The following PTPRM variants were observed in gnomAD, a reference collection of about 807,000 sequenced individuals.
PTPRM encodes protein tyrosine phosphatase receptor type M.
In PTPRM, 47 loss-of-function variants were observed where a neutral mutation model predicts 186.7. The ratio of observed to expected loss-of-function variants is 0.25; its 90% CI spans 0.20 to 0.32. The LOEUF (loss-of-function observed/expected upper bound fraction) is 0.32. Among genes scored for constraint, PTPRM ranks in the 10% least tolerant of loss-of-function variants. The probability of loss-of-function intolerance (pLI) is 1.00; values close to 1 mark genes in which losing one functional copy is unlikely to be tolerated. For synonymous variants in PTPRM, 668 were observed against 674.9 expected, an observed-to-expected ratio of 0.99 and a Z score of 0.16; for missense variants, 1,494 against 1,865.0, an observed-to-expected ratio of 0.80 and a Z score of 3.66.
chr18:8,100,051 G>A lies in PTPRM; in HGVS notation c.1856+11200G>A, dbSNP rs144698682. Among the ~76,000 whole-genome samples the A allele has an allele frequency of 3.7e-3, 568 of 152,260 alleles. 1 individual carries two copies. Among genetic ancestry groups the A allele is most frequent in the African/African-American group, 0.013 (520 of 41,550 alleles). The stretch of plus-strand genomic sequence containing the variant: ...CCAATATTCCACTTAAGACCATGGC[G>A]GAAGACAAAGAGGAAGAAGGCATGT... On this transcript the variant is annotated intron_variant, in intron 11 of 32. Transcript: ENST00000580170.
intron 5 of PTPRM, among the ~76,000 whole-genome samples, chr18:7,934,405 TA>T (rs2051675628): frequency 6.6e-6 from 1 of 152,252 alleles, no homozygotes; most frequent in Non-Finnish European, 1.5e-5. Context: ...TCCAGTCTAA[TA>T]AATTGCTCAC....
rs781386567 is a variant in PTPRM at position 7,567,931 on chromosome 18, C to A, written c.73+40C>A. On this transcript the variant is annotated intron_variant, in intron 1 of 32. Transcript: ENST00000580170. This position sits in a 1 kb window ranked among gnomAD's most constrained non-coding sequence, Gnocchi z 4.3. ...CTCTGCCGCCCCCGAGGCGCGCGGGCCGGCGCGGGACGCCCGGGACGCCGA... is the reference window on the plus strand; with the variant it reads ...CTCTGCCGCCCCCGAGGCGCGCGGGACGGCGCGGGACGCCCGGGACGCCGA... 3 of 1,521,624 alleles carry A rather than the reference C, an allele frequency of 2.0e-6. No individual in the cohort carries two copies. In the South Asian group the frequency reaches 3.7e-5, roughly 19 times the overall value. 94.3% of individuals were successfully genotyped at this position (1,521,624 alleles called of 1,614,324 possible). A position where few individuals can be genotyped will look rare whatever the true frequency, so the allele number is the denominator to read the frequency against.
At chr18:8,015,053 A>G (rs1013410545) in intron 7 of PTPRM, among the ~76,000 whole-genome samples, 30 of 152,148 alleles carry the variant, frequency 2.0e-4, no homozygotes, top group Non-Finnish European at 3.7e-4. Context: ...CCTCCTTTCA[A>G]TAACTCCACA....
In PTPRM at chr18:7,610,105, C is replaced by A. The variant is rs562960954; in HGVS notation, c.73+42214C>A. Among the ~76,000 whole-genome samples the A allele has an allele frequency of 1.0e-3, 153 of 152,262 alleles. 4 individuals are homozygous for A. The South Asian group carries it at 0.03, about 30-fold the overall frequency. Reference sequence around the variant, plus strand: ...AACACCTATTGGGCATTTTGAAAAGCTGATAAGGTAAATGGTCATTTTAAG... The same window carrying A: ...AACACCTATTGGGCATTTTGAAAAGATGATAAGGTAAATGGTCATTTTAAG... On this transcript the variant is annotated intron_variant, in intron 1 of 32. Coordinates refer to ENST00000580170, the MANE Select transcript of PTPRM (RefSeq NM_001105244.2).
At chr18:7,801,903 A>G (rs1390388262) in intron 2 of PTPRM, among the ~76,000 whole-genome samples, 3 of 152,240 alleles carry the variant, frequency 2.0e-5, no homozygotes, top group African/African-American at 7.2e-5. Context: ...GCATATGACC[A>G]TTGAACATGA....
At chr18:7,925,061 A>G (rs2051089913) in intron 4 of PTPRM, among the ~76,000 whole-genome samples, 1 of 152,242 alleles carries the variant, frequency 6.6e-6, no homozygotes, top group East Asian at 1.9e-4. Context: ...TTTCTGGCAC[A>G]TAAGTACCCA....
intron 1 of PTPRM, among the ~76,000 whole-genome samples, chr18:7,698,317 G>GT (rs1158551298): frequency 6.6e-6 from 1 of 152,054 alleles, no homozygotes; most frequent in Non-Finnish European, 1.5e-5. Flanking sequence ...TCCATTACTT[G>GT]TTTTTTTCCT....
intron 21 of PTPRM, among the ~76,000 whole-genome samples, chr18:8,316,397 G>C (rs1323821828): frequency 1.3e-5 from 2 of 152,212 alleles, no homozygotes; most frequent in Admixed American, 1.3e-4. Flanking sequence ...TTTAACCGGT[G>C]AGTAAGTGGA....
At chr18:7,669,756 C>T (rs1264165387) in intron 1 of PTPRM, among the ~76,000 whole-genome samples, 1 of 152,018 alleles carries the variant, frequency 6.6e-6, no homozygotes, top group Non-Finnish European at 1.5e-5. Context: ...GAGTTTTGCT[C>T]TTGTTGCCCA....
At chr18:8,051,818 C>T (rs1167096047) in intron 7 of PTPRM, among the ~76,000 whole-genome samples, 3 of 151,958 alleles carry the variant, frequency 2.0e-5, no homozygotes, top group Non-Finnish European at 4.4e-5. Flanking sequence ...CTCCTGGAGC[C>T]CAGTGGGAAG....
At chr18:7,848,531 G>A (rs1340271021) in intron 2 of PTPRM, among the ~76,000 whole-genome samples, 2 of 152,100 alleles carry the variant, frequency 1.3e-5, no homozygotes, top group Admixed American at 1.3e-4. Context: ...CCCAATTTTG[G>A]GAGGCTGAGG....
intron 3 of PTPRM, among the ~76,000 whole-genome samples, chr18:7,896,158 G>T (rs908949174): frequency 6.6e-6 from 1 of 152,152 alleles, no homozygotes; most frequent in Admixed American, 6.5e-5. Flanking sequence ...GTGGGGAAGG[G>T]CAGGTACCTG....
At chr18:8,097,234 G>A (rs190625078) in intron 11 of PTPRM, among the ~76,000 whole-genome samples, 16 of 151,960 alleles carry the variant, frequency 1.1e-4, no homozygotes, top group Non-Finnish European at 2.1e-4. Flanking sequence ...GTATTTCATT[G>A]CAACTTAATT....
intron 8 of PTPRM, among the ~76,000 whole-genome samples, chr18:8,075,107 C>T (rs1349928339): frequency 6.6e-6 from 1 of 152,108 alleles, no homozygotes; most frequent in Non-Finnish European, 1.5e-5. Context: ...CATTCTTGTG[C>T]ATGTGGATAT....
Position 8,080,172 on chromosome 18 carries a change from T to C in PTPRM, c.1551+3608T>C, listed in dbSNP as rs571066767. Among the ~76,000 whole-genome samples, 3 of 152,304 alleles carry C rather than the reference T, an allele frequency of 2.0e-5. No homozygotes were observed. The East Asian group carries it at 5.8e-4, about 29-fold the overall frequency. On this transcript the variant is annotated intron_variant, in intron 9 of 32. Transcript: ENST00000580170. The stretch of plus-strand genomic sequence containing the variant: ...GAACACACATTTTGCAGTCTTTTTT[T>C]TTGTAGGCAATTAGGGAGATTCTAT...
At chr18:7,889,347 T>C (rs1360927538) in intron 3 of PTPRM, among the ~76,000 whole-genome samples, 1 of 146,882 alleles carries the variant, frequency 6.8e-6, no homozygotes, top group African/African-American at 2.5e-5. Context: ...TTTTTTTTTT[T>C]TTTTTTTGAG....
intron 9 of PTPRM, among the ~76,000 whole-genome samples, 163 bp from the exon 10 acceptor site, chr18:8,085,508 C>T (rs745905133): frequency 1.4e-4 from 22 of 152,096 alleles, no homozygotes; most frequent in South Asian, 4.1e-4. Context: ...GCAGCTTTGG[C>T]GGAGTTCCTT....
At chr18:8,352,776 A>G (rs774184364) in intron 23 of PTPRM, among the ~76,000 whole-genome samples, 2 of 151,624 alleles carry the variant, frequency 1.3e-5, no homozygotes, top group Non-Finnish European at 2.9e-5. Flanking sequence ...GGTTCAAGCA[A>G]TTCTCTGCCT....
At chr18:8,269,877 T>G (rs894608660) in intron 19 of PTPRM, 3 of 151,952 alleles carry the variant, frequency 2.0e-5, no homozygotes, top group African/African-American at 7.2e-5. Context: ...TCACAAAACT[T>G]AACTTGAAAT....
Sources: allele counts gnomAD v4.1 joint callset (sites outside exome capture counted in the v4.1 genomes callset), GRCh38; gene constraint gnomAD v4.1.1; non-coding constraint Gnocchi (gnomAD v3.1); transcripts MANE v1.5; gene names NCBI Gene and HGNC (gene_info 2026-07-23, HGNC 2026-07-21).